INPP4B: variants seen among roughly 807,000 people sequenced by gnomAD.
The protein encoded by INPP4B is inositol polyphosphate 4-phosphatase type II.
In INPP4B, 55 loss-of-function variants were observed where a neutral mutation model predicts 122.5. That is an observed-to-expected ratio of 0.45 (90% CI 0.36 to 0.56). The LOEUF is 0.56. INPP4B is among the 20% of genes least tolerant of loss of function. The pLI is 0.00. For synonymous variants in INPP4B, 403 were observed against 388.7 expected (o/e 1.04, Z -0.43); for missense variants, 1,000 against 1,097.7 (o/e 0.91, Z 1.26).
chr4:142,617,567 G>T (rs1406253996), intron 2 of INPP4B, among the ~76,000 whole-genome samples: 1 of 151,986 alleles, frequency 6.6e-6, no homozygotes, highest in African/African-American at 2.4e-5. Context: ...CATGAGTTTG[G>T]GTAACATAAA....
chr4:142,510,297 C>G (rs1200263355), intron 2 of INPP4B, among the ~76,000 whole-genome samples: 2 of 152,142 alleles, frequency 1.3e-5, no homozygotes, highest in African/African-American at 4.8e-5. Context: ...AAAGGAATAG[C>G]TCTTCAGTTA....
intron 2 of INPP4B, among the ~76,000 whole-genome samples, chr4:142,479,848 T>A (rs1245439880): frequency 6.6e-6 from 1 of 152,104 alleles, no homozygotes; most frequent in Non-Finnish European, 1.5e-5. Context: ...ATAAACCACC[T>A]ATCAGGTACT....
intron 2 of INPP4B, among the ~76,000 whole-genome samples, chr4:142,585,648 A>C (rs930619246): frequency 6.6e-6 from 1 of 152,064 alleles, no homozygotes; most frequent in African/African-American, 2.4e-5. Context: ...CTTCGCTCTC[A>C]GGAAAAGTTC....
chr4:142,345,381 C>G (rs901392387), intron 7 of INPP4B, among the ~76,000 whole-genome samples: 11 of 151,730 alleles, frequency 7.2e-5, no homozygotes, highest in Non-Finnish European at 1.5e-4. Flanking sequence ...ATTAAGACCA[C>G]GGGGAAAATA....
At chr4:142,491,446 G>T (rs1158601312) in intron 2 of INPP4B, among the ~76,000 whole-genome samples, 1 of 152,072 alleles carries the variant, frequency 6.6e-6, no homozygotes. Context: ...CTGAGGTCAG[G>T]AGTTCAAGAC....
At chr4:142,162,187 GA>G (rs918520942) in intron 16 of INPP4B, among the ~76,000 whole-genome samples, 1 of 151,098 alleles carries the variant, frequency 6.6e-6, no homozygotes, top group Non-Finnish European at 1.5e-5. Flanking sequence ...TAATTTATAA[GA>G]ATAAAAGATT....
chr4:142,354,211 G>A (rs193103684), intron 7 of INPP4B, among the ~76,000 whole-genome samples: 15 of 152,008 alleles, frequency 9.9e-5, no homozygotes, highest in African/African-American at 3.4e-4. Context: ...CTTGTGCCAC[G>A]AACCTTCTCA....
chr4:142,566,454 G>C (rs1314315963), intron 2 of INPP4B, among the ~76,000 whole-genome samples: 1 of 152,200 alleles, frequency 6.6e-6, no homozygotes, highest in Non-Finnish European at 1.5e-5. Context: ...CTATGCAGAA[G>C]GTGAGTCAAT....
At chr4:142,248,135 G>T in intron 11 of INPP4B, among the ~76,000 whole-genome samples, 1 of 151,958 alleles carries the variant, frequency 6.6e-6, no homozygotes, top group African/African-American at 2.4e-5. Context: ...ACTGGTTGCT[G>T]ACCACCCCCA....
chr4:142,430,030 T>C (rs1179775220), intron 4 of INPP4B, among the ~76,000 whole-genome samples: 1 of 152,094 alleles, frequency 6.6e-6, no homozygotes, highest in Admixed American at 6.6e-5. Context: ...AAGTAAACTA[T>C]TTGGCAATAA....
rs1739422267 is a variant in INPP4B at position 142,260,568 on chromosome 4, G to C, written c.616-4C>G. 13 of 1,485,974 alleles carry C rather than the reference G, an allele frequency of 8.7e-6. No homozygotes were observed. Among genetic ancestry groups the C allele is most frequent in the Non-Finnish European group, 1.2e-5 (13 of 1,111,374 alleles). 92.0% of individuals were successfully genotyped at this position (1,485,974 alleles called of 1,614,324 possible). On this transcript the variant is annotated splice_polypyrimidine_tract_variant and splice_region_variant and intron_variant, in intron 10 of 25. Transcript: ENST00000262992. ...TACATTCACATACCAGGGCACACTA[G>C]GAAAAAATGTAAAAAAAAAAAAAAA... is the stretch of plus-strand genomic sequence containing the variant.
intron 15 of INPP4B, among the ~76,000 whole-genome samples, chr4:142,182,660 C>A (rs1181416451): frequency 6.6e-6 from 1 of 151,622 alleles, no homozygotes; most frequent in Non-Finnish European, 1.5e-5. Context: ...AAACAACTGA[C>A]CTTATTAATT....
At chr4:142,476,795 G>C (rs1028164032) in intron 2 of INPP4B, among the ~76,000 whole-genome samples, 1 of 152,266 alleles carries the variant, frequency 6.6e-6, no homozygotes, top group African/African-American at 2.4e-5. Context: ...GGAGCACCCA[G>C]ATTCATGAAG....
In INPP4B at chr4:142,372,084, T is replaced by C. The variant is rs117329523; in HGVS notation, c.372+30854A>G. On this transcript the variant is annotated intron_variant, in intron 7 of 25. Transcript: ENST00000262992. ...AAGAAAATGTGGTGTATATACACAA[T>C]AAAATACTATTCATCTATTAACAAT... Among the ~76,000 whole-genome samples the C allele has an allele frequency of 8.9e-3, 1,355 of 152,214 alleles. 61 individuals carry two copies. In the East Asian group the frequency reaches 0.15, roughly 17 times the overall value.
chr4:142,192,354 A>AAAAAAG (rs148371542), intron 15 of INPP4B, among the ~76,000 whole-genome samples: 789 of 73,126 alleles, frequency 0.011, 82 homozygotes, highest in African/African-American at 0.03. Context: ...AAAAAAAAAA[A>AAAAAAG]TGGGATTCTT....
At chr4:142,717,907 C>CAAAAAAA (rs33932611) in intron 2 of INPP4B, among the ~76,000 whole-genome samples, 2 of 58,542 alleles carry the variant, frequency 3.4e-5, no homozygotes, top group Non-Finnish European at 4.1e-5. Context: ...AAAAAGAAAG[C>CAAAAAAA]AAAAAAAAAA....
intron 2 of INPP4B, among the ~76,000 whole-genome samples, chr4:142,571,755 G>A (rs1203780119): frequency 6.6e-6 from 1 of 152,122 alleles, no homozygotes; most frequent in East Asian, 1.9e-4. Flanking sequence ...GAATGGCAAA[G>A]AGTCAATTTG....
At chr4:142,834,963 CCTGTTTTCAT>C in intron 1 of INPP4B, among the ~76,000 whole-genome samples, 1 of 152,300 alleles carries the variant, frequency 6.6e-6, no homozygotes, top group African/African-American at 2.4e-5. Flanking sequence ...AAGCTCTTCA[CCTGTTTTCAT>C]TTGTTGCTGA....
intron 7 of INPP4B, among the ~76,000 whole-genome samples, chr4:142,366,443 T>C (rs1416982772): frequency 6.6e-6 from 1 of 152,154 alleles, no homozygotes; most frequent in Admixed American, 6.6e-5. Context: ...CAGCTATTTC[T>C]AAATTAAAAG....
Sources: allele counts gnomAD v4.1 joint callset (sites outside exome capture counted in the v4.1 genomes callset), GRCh38; gene constraint gnomAD v4.1.1; transcripts MANE v1.5; gene names NCBI Gene and HGNC (gene_info 2026-07-23, HGNC 2026-07-21).